Variants in ATM observed in about 807,000 individuals in gnomAD.
The protein encoded by ATM is ATM serine/threonine kinase, also known as serine-protein kinase ATM.
Under a neutral mutation model 387.0 loss-of-function variants are expected in ATM, and 308 were observed. The ratio of observed to expected loss-of-function variants is 0.80; its 90% confidence interval spans 0.73 to 0.87. The LOEUF is 0.87. ATM is among the 40% of genes least tolerant of loss of function. ATM has a pLI of 0.00. For synonymous variants in ATM, 1,156 were observed against 1,187.3 expected (o/e 0.97, Z 0.54); for missense variants, 3,312 against 3,560.9 (o/e 0.93, Z 1.78).
At chr11:108,277,644 G>A (rs748758673) in intron 22 of ATM, among the ~76,000 whole-genome samples, 7 of 152,146 alleles carry the variant, frequency 4.6e-5, no homozygotes, top group African/African-American at 7.2e-5. Context: ...GGAGTTCCCC[G>A]ACCCCTTGTG....
Position 108,249,254 on chromosome 11 carries a change from A to G in ATM, c.1235+152A>G, listed in dbSNP as rs749995606. 221 of 910,450 alleles carry G rather than the reference A, an allele frequency of 2.4e-4. 1 individual carries two copies. The highest frequency in any genetic ancestry group is 6.5e-4 in the Middle Eastern group (2 of 3,072). The allele number at this position is 910,450 out of a possible 1,614,324, so 56.4% of individuals were successfully genotyped here. On this transcript the variant is annotated intron_variant, in intron 9 of 62. Coordinates refer to ENST00000675843, the MANE Select transcript of ATM (RefSeq NM_000051.4). ...ACTAGCAAAGGGATATGTGATTGCC[A>G]TGACAAATGAGATCAATCATTAATG... is the stretch of plus-strand genomic sequence containing the variant.
intron 43 of ATM, among the ~76,000 whole-genome samples, chr11:108,318,314 A>G (rs1356843210): frequency 6.6e-6 from 1 of 152,026 alleles, no homozygotes; most frequent in African/African-American, 2.4e-5. Context: ...GTGAGCTGAG[A>G]TAGCACCACT....
chr11:108,300,423 C>G (rs2083364420), intron 34 of ATM, among the ~76,000 whole-genome samples: 1 of 152,192 alleles, frequency 6.6e-6, no homozygotes, highest in East Asian at 1.9e-4. Context: ...CGTGCATGCT[C>G]TTTCTCTCTC....
At chr11:108,232,866 CTT>C (rs562676052) in intron 4 of ATM, among the ~76,000 whole-genome samples, 8 of 136,802 alleles carry the variant, frequency 5.8e-5, no homozygotes, top group Non-Finnish European at 3.2e-5. Context: ...CATTTCTTTT[CTT>C]TTTTTTTTTT....
chr11:108,350,263 G>A (rs569654684), intron 59 of ATM, among the ~76,000 whole-genome samples: 18 of 152,278 alleles, frequency 1.2e-4, no homozygotes, highest in African/African-American at 4.1e-4. Flanking sequence ...ATGTGGTGGA[G>A]GGACAAGGGG....
chr11:108,325,941 C>T (rs1168785780), intron 46 of ATM, 117 bp from the exon 47 acceptor site: 2 of 1,274,250 alleles, frequency 1.6e-6, no homozygotes, highest in South Asian at 1.3e-5. Context: ...TAAGATAGTC[C>T]CTGACAAGTA....
chr11:108,249,257 A>G (rs1167704604), intron 9 of ATM, among the ~76,000 whole-genome samples, 155 bp downstream of exon 9: 1 of 152,224 alleles, frequency 6.6e-6, no homozygotes, highest in Non-Finnish European at 1.5e-5. Context: ...GATTGCCATG[A>G]CAAATGAGAT....
intron 48 of ATM, 58 bp downstream of exon 48, chr11:108,327,816 T>G: frequency 8.1e-7 from 1 of 1,234,914 alleles, no homozygotes; most frequent in Non-Finnish European, 1.2e-6. Flanking sequence ...GCTTCATCTT[T>G]TCATCAAGAT....
At chr11:108,343,785 A>T (rs1347592574) in intron 57 of ATM, among the ~76,000 whole-genome samples, 1 of 152,158 alleles carries the variant, frequency 6.6e-6, no homozygotes, top group Non-Finnish European at 1.5e-5. Flanking sequence ...CATCTCTAAA[A>T]AACAAACACA....
rs147122522 is a variant in ATM at position 108,268,460 on chromosome 11, T to C, written c.2689T>C (p.Phe897Leu). Residue 897 changes from phenylalanine (F) to leucine (L), a missense_variant, in exon 18 of 63, where the codon TTC becomes CTC. Phe to Leu is a conservative substitution (Grantham distance 22). Around this residue, in one of 4 missense-constraint regions of ATM, gnomAD observed 1,791 missense variants for 1,804.5 expected, o/e 0.99. Coordinates refer to ENST00000675843, the MANE Select transcript of ATM (RefSeq NM_000051.4). ...ATATCTGTCAAAGCAAGATCTACTT[T>C]TCTTAGACATGCTCAAGTTCTTGTG... ...EEYLSKQDLL[F>L]LDMLKFLCLC... is the part of the protein sequence containing the mutation. 6.2e-7 allele frequency: 1 copy of C among 1,614,054 alleles called. No individual in the cohort carries two copies. The highest frequency in any genetic ancestry group is 1.1e-5 in the South Asian group (1 of 91,084).
intron 34 of ATM, 26 bp from the exon 35 acceptor site, chr11:108,301,622 A>T (rs1485881789): frequency 6.2e-7 from 1 of 1,613,112 alleles, no homozygotes; most frequent in Non-Finnish European, 8.5e-7. Context: ...GGTGTACTTG[A>T]TAGGCATTTG....
rs761358619 is a variant in ATM, at chr11:108,227,718, A to T, written c.72+22A>T. Reference sequence around the variant, plus strand: ...AAAGGTAGTAAATTACTTAAATTCAATTTTTCCTTGAAATAAGTGTGATTA... The same window carrying T: ...AAAGGTAGTAAATTACTTAAATTCATTTTTTCCTTGAAATAAGTGTGATTA... On this transcript the variant is annotated intron_variant, in intron 2 of 62. Coordinates refer to ENST00000675843, the MANE Select transcript of ATM (RefSeq NM_000051.4). The T allele has an allele frequency of 1.2e-4, 187 of 1,593,644 alleles. No individual in the cohort carries two copies. The highest frequency in any genetic ancestry group is 1.6e-4 in the Non-Finnish European group (184 of 1,169,574).
In ATM at chr11:108,317,524, A is replaced by G. The variant is rs1555114854; in HGVS notation, c.6347+3A>G. ...TGGGACCATTGCACTTCCGTCAGGT[A>G]AGAAATTTGACTTGATTTTTTTTTT... On this transcript the variant is annotated splice_donor_region_variant and intron_variant, in intron 43 of 62. Coordinates refer to ENST00000675843, the MANE Select transcript of ATM (RefSeq NM_000051.4). The G allele has an allele frequency of 1.3e-6, 2 of 1,599,874 alleles. No homozygotes were observed. Among genetic ancestry groups the G allele is most frequent in the Non-Finnish European group, 1.7e-6 (2 of 1,175,240 alleles).
At chr11:108,274,782 C>G (rs979441782) in intron 22 of ATM, among the ~76,000 whole-genome samples, 4 of 152,138 alleles carry the variant, frequency 2.6e-5, no homozygotes, top group Non-Finnish European at 5.9e-5. Context: ...GTTTTACTTT[C>G]AATTATGTGG....
intron 51 of ATM, 157 bp downstream of exon 51, chr11:108,331,714 C>T (rs1024215670): frequency 5.3e-6 from 7 of 1,317,530 alleles, no homozygotes; most frequent in Admixed American, 2.6e-5. Flanking sequence ...TTTTCTCTCT[C>T]TAATTCCTCA....
At chr11:108,304,066 C>T (rs992795930) in intron 36 of ATM, among the ~76,000 whole-genome samples, 5 of 152,184 alleles carry the variant, frequency 3.3e-5, no homozygotes, top group South Asian at 2.1e-4. Flanking sequence ...ATATGGAGTG[C>T]GGTGAATAGC....
rs769166447 is a variant in ATM, at chr11:108,244,868, G to T, written c.743G>T (p.Arg248Leu). The T allele has an allele frequency of 4.3e-6, 7 of 1,613,696 alleles. No individual in the cohort carries two copies. Among genetic ancestry groups the T allele is most frequent in the East Asian group, 2.2e-5 (1 of 44,818 alleles). Residue 248 changes from arginine (R) to leucine (L), a missense_variant, in exon 7 of 63, where the codon CGA becomes CTA. Around this residue, in one of 4 missense-constraint regions of ATM, gnomAD observed 1,791 missense variants for 1,804.5 expected, o/e 0.99. Transcript: ENST00000675843. ...IFLKTLAVNF[R>L]IRVCELGDEI... ...CTCAAGACTTTGGCTGTCAACTTTCGAATTCGAGTGTGTGAATTAGGAGAT... is the reference window on the plus strand; with the variant it reads ...CTCAAGACTTTGGCTGTCAACTTTCTAATTCGAGTGTGTGAATTAGGAGAT...
At chr11:108,223,697 GAC>G (rs1407408411) in intron 1 of ATM, 2 of 152,264 alleles carry the variant, frequency 1.3e-5, no homozygotes, top group Non-Finnish European at 2.9e-5. Context: ...GTACAGATAA[GAC>G]AACTACAGTG....
At position 108,227,928 on chromosome 11, in the gene ATM, C is replaced by G. The variant is rs369357467; in HGVS notation, c.185+40C>G. 6.9e-5 allele frequency: 104 copies of G among 1,506,318 alleles called. No individual in the cohort carries two copies. The African/African-American group carries it at 1.4e-3, about 20-fold the overall frequency. 93.3% of individuals were successfully genotyped at this position (1,506,318 alleles called of 1,614,324 possible). A position where few individuals can be genotyped will look rare whatever the true frequency, so the allele number is the denominator to read the frequency against. ...TTTATTTTACTGTCTTTATTTTTCT[C>G]TTTCATATTTATTTCTGTTGTGATA... On this transcript the variant is annotated intron_variant, in intron 3 of 62. Coordinates refer to ENST00000675843, the MANE Select transcript of ATM (RefSeq NM_000051.4).
Sources: gnomAD v4.1 joint callset for allele counts (sites outside exome capture counted in the v4.1 genomes callset) on GRCh38, gnomAD v4.1.1 for gene constraint, gnomAD v4.1.1 regional missense constraint, MANE v1.5 for transcripts, NCBI Gene and HGNC (gene_info 2026-07-23, HGNC 2026-07-21) for gene names.